CSMD1: variants seen among roughly 807,000 people sequenced by gnomAD.
The protein encoded by CSMD1 is CUB and Sushi multiple domains 1.
A neutral mutation model predicts 417.5 loss-of-function variants in CSMD1; 213 were observed. That is an observed-to-expected ratio of 0.51 (90% confidence interval 0.46 to 0.57). The LOEUF (loss-of-function observed/expected upper bound fraction) is 0.57. CSMD1 is among the 20% of genes least tolerant of loss of function. CSMD1 has a pLI of 0.00. For synonymous variants in CSMD1, 2,862 were observed against 1,736.8 expected, an observed-to-expected ratio of 1.65 and a Z score of -16.11; for missense variants, 6,923 against 4,529.7, an observed-to-expected ratio of 1.53 and a Z score of -15.17.
intron 26 of CSMD1, among the ~76,000 whole-genome samples, chr8:3,252,913 C>CCT (rs1271450607): frequency 6.6e-6 from 1 of 152,060 alleles, no homozygotes; most frequent in Non-Finnish European, 1.5e-5. Context: ...GTGATATTAC[C>CCT]TTTATCATTT....
At chr8:3,240,515 C>T (rs368074285) in intron 26 of CSMD1, among the ~76,000 whole-genome samples, 3 of 151,728 alleles carry the variant, frequency 2.0e-5, no homozygotes, top group South Asian at 2.1e-4. Context: ...AGAATTACGC[C>T]GAGATAGGTA....
At chr8:4,794,808 C>G (rs1797886327) in intron 1 of CSMD1, among the ~76,000 whole-genome samples, 1 of 152,124 alleles carries the variant, frequency 6.6e-6, no homozygotes, top group Non-Finnish European at 1.5e-5. Flanking sequence ...TAGAAGCACT[C>G]AATGGTCCAA....
intron 5 of CSMD1, among the ~76,000 whole-genome samples, chr8:3,869,174 G>C (rs1377918026): frequency 6.6e-6 from 1 of 152,134 alleles, no homozygotes; most frequent in East Asian, 1.9e-4. Context: ...ACACAGATGT[G>C]CTGCACCCTG....
intron 2 of CSMD1, among the ~76,000 whole-genome samples, chr8:4,488,560 C>G (rs1209868776): frequency 1.3e-5 from 2 of 151,984 alleles, no homozygotes; most frequent in African/African-American, 4.8e-5. Flanking sequence ...GGCAGCAGAG[C>G]CCCAAAAATT....
At chr8:4,938,235 T>C (rs1196483686) in intron 1 of CSMD1, among the ~76,000 whole-genome samples, 1 of 152,192 alleles carries the variant, frequency 6.6e-6, no homozygotes. Context: ...ACTGGTACAC[T>C]AGAAAATGGA....
intron 3 of CSMD1, among the ~76,000 whole-genome samples, chr8:4,057,197 G>T (rs576879105): frequency 6.7e-4 from 102 of 152,196 alleles, no homozygotes; most frequent in African/African-American, 2.4e-3. Context: ...AGCACCTGTT[G>T]TTTCCTGACT....
Position 4,925,078 on chromosome 8 carries a change from T to C in CSMD1, c.85+69254A>G, listed in dbSNP as rs1806763052. Among the ~76,000 whole-genome samples, 2 of 152,188 alleles carry C rather than the reference T, an allele frequency of 1.3e-5. 1 individual carries two copies. Among genetic ancestry groups the C allele is most frequent in the South Asian group, 4.1e-4 (2 of 4,830 alleles). On this transcript the variant is annotated intron_variant, in intron 1 of 69. Transcript: ENST00000635120. ...AAATAGTTTGGGTTGTTATCAAGCA[T>C]ATTTGAATATATTATGACAGAATGA...
At chr8:3,453,958 T>G (rs1053329212) in intron 12 of CSMD1, among the ~76,000 whole-genome samples, 1 of 152,180 alleles carries the variant, frequency 6.6e-6, no homozygotes, top group Non-Finnish European at 1.5e-5. Context: ...AGTCTCTTTG[T>G]AGGTCTCTAA....
intron 3 of CSMD1, among the ~76,000 whole-genome samples, chr8:4,033,198 T>G (rs911236683): frequency 1.3e-5 from 2 of 149,612 alleles, no homozygotes; most frequent in East Asian, 4.0e-4. Context: ...CCCAGCACTT[T>G]GGGAGGCCGA....
chr8:4,702,481 G>T (rs1284249000), intron 1 of CSMD1, among the ~76,000 whole-genome samples: 1 of 152,114 alleles, frequency 6.6e-6, no homozygotes, highest in African/African-American at 2.4e-5. Flanking sequence ...CAGTCAAAAT[G>T]TTGCTGCTGT....
intron 2 of CSMD1, among the ~76,000 whole-genome samples, chr8:4,525,436 C>G (rs1379083994): frequency 6.6e-6 from 1 of 152,150 alleles, no homozygotes; most frequent in Non-Finnish European, 1.5e-5. Context: ...TCTACTTTAA[C>G]CATGAGCTGT....
chr8:3,166,407 AC>A, intron 37 of CSMD1, among the ~76,000 whole-genome samples: 1 of 152,066 alleles, frequency 6.6e-6, no homozygotes. Context: ...GGTGGTGTGC[AC>A]CTGTAGTCCC....
chr8:4,016,488 C>A (rs1796529653), intron 4 of CSMD1, among the ~76,000 whole-genome samples: 1 of 152,214 alleles, frequency 6.6e-6, no homozygotes, highest in African/African-American at 2.4e-5. Flanking sequence ...TGCAAGCTTC[C>A]TGGAGGACAA....
At chr8:3,884,932 C>CATAT (rs148153076) in intron 5 of CSMD1, among the ~76,000 whole-genome samples, 6,777 of 96,602 alleles carry the variant, frequency 0.07, 523 homozygotes, top group African/African-American at 0.27. Context: ...TATATATATT[C>CATAT]ATATATATAT....
In CSMD1 at chr8:4,579,634, T is replaced by C. The variant is rs117300969; in HGVS notation, c.302+57708A>G. 3.5e-4 allele frequency among the ~76,000 whole-genome samples: 53 copies of C among 152,238 alleles called. No individual in the cohort carries two copies. In the East Asian group the frequency reaches 7.0e-3, roughly 20 times the overall value. ...ACCTTGGCCTCCCAAAGTTCTGATA[T>C]TACAGGTGTGAGCCATCATGCCCGG... On this transcript the variant is annotated intron_variant, in intron 2 of 69. Transcript: ENST00000635120.
intron 2 of CSMD1, among the ~76,000 whole-genome samples, chr8:4,623,565 A>AG (rs1585347242): frequency 1.3e-5 from 2 of 151,818 alleles, no homozygotes; most frequent in Admixed American, 6.6e-5. Context: ...AGCTAAAAAC[A>AG]GGGGGGTGAG....
intron 5 of CSMD1, among the ~76,000 whole-genome samples, chr8:3,935,810 A>T (rs1810455430): frequency 6.6e-6 from 1 of 152,178 alleles, no homozygotes; most frequent in Admixed American, 6.6e-5. Flanking sequence ...TATGTGCTCA[A>T]GTGAAAGGAA....
chr8:4,273,803 G>C (rs547573617), intron 3 of CSMD1, among the ~76,000 whole-genome samples: 1 of 152,138 alleles, frequency 6.6e-6, no homozygotes, highest in African/African-American at 2.4e-5. Context: ...TATGTCTGGT[G>C]AAACCTGTAC....
At chr8:4,742,567 A>C (rs1810691869) in intron 1 of CSMD1, among the ~76,000 whole-genome samples, 1 of 151,982 alleles carries the variant, frequency 6.6e-6, no homozygotes, top group South Asian at 2.1e-4. Flanking sequence ...TGTAAGAGAA[A>C]TGTTTTTTTA....
Sources: gnomAD v4.1 joint callset for allele counts (sites outside exome capture counted in the v4.1 genomes callset) on GRCh38, gnomAD v4.1.1 for gene constraint, MANE v1.5 for transcripts, NCBI Gene and HGNC (gene_info 2026-07-23, HGNC 2026-07-21) for gene names.